The following LAMA3 variants were observed in gnomAD, a reference collection of about 807,000 sequenced individuals.
LAMA3 encodes laminin subunit alpha-3.
In LAMA3, 281 loss-of-function variants were observed where a neutral mutation model predicts 402.0. The observed-to-expected ratio is 0.70, with a 90% CI of 0.63 to 0.77. The LOEUF (loss-of-function observed/expected upper bound fraction) is 0.77, where lower values mean the gene tolerates loss of function less well. Among genes scored for constraint, LAMA3 ranks in the 30% least tolerant of loss-of-function variants. LAMA3 has a pLI of 0.00. For missense variants in LAMA3, 3,840 were observed against 4,215.5 expected (o/e 0.91, Z 2.47); for synonymous variants, 1,431 against 1,558.4 (o/e 0.92, Z 1.93).
chr18:23,785,898 T>C (rs1386830075), intron 12 of LAMA3, among the ~76,000 whole-genome samples: 1 of 152,226 alleles, frequency 6.6e-6, no homozygotes, highest in Non-Finnish European at 1.5e-5. Flanking sequence ...TACAACACTT[T>C]AAGAATGCTC....
Position 23,939,329 on chromosome 18 carries a change from G to A in LAMA3, c.8969G>A (p.Gly2990Glu), listed in dbSNP as rs1371137253. 5.0e-6 allele frequency: 8 copies of A among 1,614,052 alleles called. No individual in the cohort carries two copies. In the African/African-American group the frequency reaches 9.3e-5, roughly 19 times the overall value. ...TQANHGALQF[G>E]DIPTSHLLFK... ...GCCAATCATGGAGCCCTCCAGTTTG[G>A]GGACATTCCCACCAGCCACTTGCTA... Residue 2990 changes from glycine to glutamate, a missense_variant, in exon 68 of 75, where the codon GGG becomes GAG. Transcript: ENST00000313654.
At chr18:23,708,354 T>C (rs2060928395) in intron 1 of LAMA3, among the ~76,000 whole-genome samples, 1 of 152,218 alleles carries the variant, frequency 6.6e-6, no homozygotes, top group Non-Finnish European at 1.5e-5. Context: ...CCTTTAAAGT[T>C]TCATATAAAT....
At position 23,931,071 on chromosome 18, in the gene LAMA3, C is replaced by G; in HGVS notation, c.8446C>G (p.Leu2816Val). 6.2e-7 allele frequency: 1 copy of G among 1,613,676 alleles called. No individual in the cohort carries two copies. The highest frequency in any genetic ancestry group is 8.5e-7 in the Non-Finnish European group (1 of 1,179,634). ...TCTATGGTGATTTCAGACAAGGAAC[C>G]TGCAGGTCACTCTGGAAGATGGTTA... Reference protein sequence around the residue: ...LLDHQTWTRNLQVTLEDGYIE... With the variant: ...LLDHQTWTRNVQVTLEDGYIE... The change falls in exon 65 of 75, where the codon CTG (leucine) becomes GTG (valine). Residue 2816 changes from leucine (L) to valine (V), a missense_variant. Transcript: ENST00000313654.
intron 2 of LAMA3, among the ~76,000 whole-genome samples, chr18:23,742,651 TGTG>T: frequency 2.7e-4 from 2 of 7,428 alleles, no homozygotes; most frequent in African/African-American, 5.1e-3. Flanking sequence ...GAATCAAAAA[TGTG>T]TGTGTGTGTG....
chr18:23,928,366 A>C (rs1166488591), intron 63 of LAMA3, 126 bp downstream of exon 63: 2 of 760,136 alleles, frequency 2.6e-6, no homozygotes, highest in Non-Finnish European at 4.7e-6. Context: ...TGGCTCATAT[A>C]CACTCCCCAT....
At chr18:23,796,058 A>G (rs751053654) in intron 12 of LAMA3, 15 of 447,352 alleles carry the variant, frequency 3.4e-5, no homozygotes, top group Admixed American at 2.4e-4. Context: ...CAAGCCAGAA[A>G]GCAGGCCCTC....
At chr18:23,921,119 T>C in intron 61 of LAMA3, 65 bp downstream of exon 61, 1 of 1,520,596 alleles carries the variant, frequency 6.6e-7, no homozygotes, top group Non-Finnish European at 9.1e-7. Flanking sequence ...ATTAAGTCAG[T>C]GCCCCCAAAT....
At chr18:23,893,170 A>C (rs1213689056) in intron 42 of LAMA3, among the ~76,000 whole-genome samples, 1 of 152,216 alleles carries the variant, frequency 6.6e-6, no homozygotes, top group East Asian at 1.9e-4. Context: ...GGTGAGAATA[A>C]CAGATGTGAA....
intron 54 of LAMA3, 24 bp downstream of exon 54, chr18:23,907,959 A>G (rs1392029629): frequency 6.2e-7 from 1 of 1,610,324 alleles, no homozygotes; most frequent in Non-Finnish European, 8.5e-7. Flanking sequence ...TCTGGCCAGG[A>G]CATCTTAGCC....
chr18:23,836,110 C>CAG (rs2063576271), intron 24 of LAMA3, among the ~76,000 whole-genome samples: 1 of 27,586 alleles, frequency 3.6e-5, no homozygotes, highest in African/African-American at 6.7e-5. Flanking sequence ...AATGGATACA[C>CAG]ACACACACAC....
intron 41 of LAMA3, among the ~76,000 whole-genome samples, chr18:23,886,904 G>A (rs949213408): frequency 6.6e-6 from 1 of 152,154 alleles, no homozygotes; most frequent in Non-Finnish European, 1.5e-5. Context: ...AAAGCCCAAG[G>A]GGCTGGAAGA....
intron 68 of LAMA3, among the ~76,000 whole-genome samples, chr18:23,942,155 C>T (rs974708085): frequency 1.3e-5 from 2 of 152,172 alleles, no homozygotes; most frequent in Non-Finnish European, 2.9e-5. Flanking sequence ...TCCAAATTTC[C>T]CATTTACCAT....
At chr18:23,917,854 G>A (rs960288620) in intron 60 of LAMA3, among the ~76,000 whole-genome samples, 3 of 151,982 alleles carry the variant, frequency 2.0e-5, no homozygotes, top group Non-Finnish European at 4.4e-5. Flanking sequence ...TTCTTTCATT[G>A]TGCAGAAGCT....
At chr18:23,710,406 C>A (rs2060969881) in intron 1 of LAMA3, 3 of 279,500 alleles carry the variant, frequency 1.1e-5, no homozygotes, top group Non-Finnish European at 2.0e-5. Context: ...GCTTTACTTG[C>A]AGGATTAGTC....
chr18:23,725,364 G>C (rs2145970778), intron 2 of LAMA3, among the ~76,000 whole-genome samples: 1 of 152,290 alleles, frequency 6.6e-6, no homozygotes, highest in Non-Finnish European at 1.5e-5. Context: ...ACCTGCCTCG[G>C]CTTCCCAAAG....
chr18:23,822,749 A>G (rs1490553898), intron 20 of LAMA3, among the ~76,000 whole-genome samples: 1 of 152,196 alleles, frequency 6.6e-6, no homozygotes, highest in Non-Finnish European at 1.5e-5. Flanking sequence ...AAATTCTTCC[A>G]TTGTTTCAAA....
In LAMA3 at chr18:23,813,096, C is replaced by T; in HGVS notation, c.1781C>T (p.Ser594Phe). The T allele has an allele frequency of 6.2e-7, 1 of 1,605,344 alleles. No homozygotes were observed. Among genetic ancestry groups the T allele is most frequent in the Non-Finnish European group, 8.5e-7 (1 of 1,172,044 alleles). Residue 594 changes from serine (S) to phenylalanine (F), a missense_variant, in exon 14 of 75, where the codon TCC becomes TTC. This residue lies in a region of LAMA3 where 2,109 missense variants were observed against 2,376.0 expected (regional missense o/e 0.89). Transcript: ENST00000313654. ...TGTGACCCAGCTGGTACCATCAACT[C>T]CAATTTGGTAAGTAGACTATAAAAG... ...SACDPAGTIN[S>F]NLGYCQCKLH... is the part of the protein sequence containing the mutation.
At chr18:23,933,097 C>T (rs1000353773) in intron 66 of LAMA3, among the ~76,000 whole-genome samples, 6 of 152,182 alleles carry the variant, frequency 3.9e-5, no homozygotes, top group Non-Finnish European at 8.8e-5. Context: ...AGACTTTCCT[C>T]CTCATAGTCA....
chr18:23,817,144 G>A (rs2063191704), intron 18 of LAMA3, among the ~76,000 whole-genome samples: 1 of 152,192 alleles, frequency 6.6e-6, no homozygotes, highest in Admixed American at 6.5e-5. Flanking sequence ...GCAGAAGCAG[G>A]TGACAATGAA....
Sources: gnomAD v4.1 joint callset for allele counts (sites outside exome capture counted in the v4.1 genomes callset) on GRCh38, gnomAD v4.1.1 for gene constraint, gnomAD v4.1.1 regional missense constraint, MANE v1.5 for transcripts, NCBI Gene and HGNC (gene_info 2026-07-23, HGNC 2026-07-21) for gene names.